CTBP2: variants seen among roughly 807,000 people sequenced by gnomAD.
CTBP2 encodes the protein C-terminal-binding protein 2.
A neutral mutation model predicts 80.3 loss-of-function variants in CTBP2; 30 were observed. That is an observed-to-expected ratio of 0.37 (90% confidence interval 0.28 to 0.51). The LOEUF is 0.51. Among genes scored for constraint, CTBP2 ranks in the 20% least tolerant of loss-of-function variants. CTBP2 has a pLI of 0.93. For synonymous variants in CTBP2, 594 were observed against 587.4 expected (o/e 1.01, Z -0.16); for missense variants, 1,212 against 1,375.3 (o/e 0.88, Z 1.88).
chr10:125,159,419 G>T (rs1286767736), intron 1 of CTBP2, among the ~76,000 whole-genome samples: 1 of 140,930 alleles, frequency 7.1e-6, no homozygotes, highest in Non-Finnish European at 1.6e-5. Context: ...CCCGGCCCCC[G>T]CCCGCGCCCG....
At chr10:125,161,460 G>T (rs971178100), upstream of CTBP2, among the ~76,000 whole-genome samples, 1 of 151,952 alleles carries the variant, frequency 6.6e-6, no homozygotes, top group Non-Finnish European at 1.5e-5. Context: ...CCCAGCCAGC[G>T]GCGCCAACCA....
chr10:125,138,931 A>T (rs1001297857), intron 1 of CTBP2, among the ~76,000 whole-genome samples: 1 of 152,104 alleles, frequency 6.6e-6, no homozygotes, highest in Non-Finnish European at 1.5e-5. Flanking sequence ...GCTGCCAAAG[A>T]GCTGTGTGTT....
rs74902137 is a variant in CTBP2, at chr10:124,991,991, C to T, written c.2777+704G>A. Among the ~76,000 whole-genome samples, 848 of 151,916 alleles carry T rather than the reference C, an allele frequency of 5.6e-3. 7 individuals are homozygous for T. The highest frequency in any genetic ancestry group is 0.017 in the African/African-American group (706 of 41,420). On this transcript the variant is annotated intron_variant, in intron 8 of 8. Transcript: ENST00000309035. ...GGGCTCCTGTCTTTCCCCCACTCTG[C>T]GTTCCCAAACATGGCTCCAGTTTCT...
At chr10:124,990,799 G>C (rs1952506922) in intron 8 of CTBP2, among the ~76,000 whole-genome samples, 1 of 152,228 alleles carries the variant, frequency 6.6e-6, no homozygotes. Context: ...AGTCTAGTCA[G>C]TGCTCTGGCC....
chr10:125,008,378 T>A (rs2134358904), intron 1 of CTBP2, among the ~76,000 whole-genome samples: 1 of 152,356 alleles, frequency 6.6e-6, no homozygotes, highest in Non-Finnish European at 1.5e-5. Flanking sequence ...GGACAGACAC[T>A]GGCCACATAC....
At chr10:125,046,163 C>T (rs1312575853) in intron 2 of CTBP2, among the ~76,000 whole-genome samples, 1 of 152,262 alleles carries the variant, frequency 6.6e-6, no homozygotes, top group African/African-American at 2.4e-5. Flanking sequence ...ACTGACCCAA[C>T]TGCATTAAGA....
At chr10:125,060,658 C>T (rs186030185) in intron 2 of CTBP2, among the ~76,000 whole-genome samples, 3 of 152,286 alleles carry the variant, frequency 2.0e-5, no homozygotes, top group Admixed American at 1.3e-4. Context: ...GGCAGTCATG[C>T]GGAAGAGGGA....
intron 2 of CTBP2, among the ~76,000 whole-genome samples, chr10:125,067,198 T>C (rs777317858): frequency 2.6e-5 from 4 of 152,064 alleles, no homozygotes; most frequent in Non-Finnish European, 5.9e-5. Context: ...CAAACTGCAG[T>C]AGAGGGACAA....
intron 2 of CTBP2, among the ~76,000 whole-genome samples, chr10:125,104,537 A>G (rs894980101): frequency 6.6e-6 from 1 of 152,322 alleles, no homozygotes; most frequent in Non-Finnish European, 1.5e-5. Context: ...GCTTCTCAGG[A>G]TAAGTGCAGA....
At position 125,066,967 on chromosome 10, in the gene CTBP2, G is replaced by A. The variant is rs2936542; in HGVS notation, c.-101-27812C>T. Among the ~76,000 whole-genome samples the A allele has an allele frequency of 0.2, 30,472 of 151,984 alleles. 3,770 individuals carry two copies. Among genetic ancestry groups the A allele is most frequent in the East Asian group, 0.38 (1,984 of 5,164 alleles). ...ACGCAGGCAAGGCTGCTGAATTCCTGAAGTCCCCGCCTGACCACCAGGCCC... is the reference window on the plus strand; with the variant it reads ...ACGCAGGCAAGGCTGCTGAATTCCTAAAGTCCCCGCCTGACCACCAGGCCC... On this transcript the variant is annotated intron_variant, in intron 2 of 10. Transcript: ENST00000337195. This position sits in a 1 kb window ranked among gnomAD's most constrained non-coding sequence, Gnocchi z 4.1.
At position 124,988,231 on chromosome 10, in the gene CTBP2, G is replaced by GT. The variant is rs1167618563; in HGVS notation, c.*1286dup. 6.6e-6 allele frequency: 1 copy of GT among 152,644 alleles called. No individual in the cohort carries two copies. The highest frequency in any genetic ancestry group is 2.4e-5 in the African/African-American group (1 of 41,460). 9.5% of individuals were successfully genotyped at this position (152,644 alleles called of 1,614,324 possible). ...TTGAGTCTGGTTATGGAACCCTGTA[G>GT]TAACAAGAGCTGGAAATTGGCTAAT... On this transcript the variant is annotated 3_prime_UTR_variant, in exon 9 of 9. Coordinates refer to ENST00000309035, the MANE Select transcript of CTBP2 (RefSeq NM_022802.3).
intron 1 of CTBP2, among the ~76,000 whole-genome samples, chr10:125,006,604 T>C (rs968475570): frequency 1.3e-5 from 2 of 152,234 alleles, no homozygotes; most frequent in Non-Finnish European, 2.9e-5. Flanking sequence ...AGATCTCATA[T>C]GGAGAGATGA....
rs1007210029 is a variant in CTBP2, at chr10:125,101,506, T to C, written c.-102+9484A>G. On this transcript the variant is annotated intron_variant, in intron 2 of 10. Transcript: ENST00000337195. ...CACACCCTCACAACTAAAACCCCAA[T>C]GCGTGACATTTGGGAAAGGCTTCAT... is the stretch of plus-strand genomic sequence containing the variant. Among the ~76,000 whole-genome samples, 52 of 152,314 alleles carry C rather than the reference T, an allele frequency of 3.4e-4. 1 individual carries two copies. The highest frequency in any genetic ancestry group is 1.5e-3 in the South Asian group (7 of 4,824).
chr10:125,142,467 A>T (rs867773369), intron 1 of CTBP2, among the ~76,000 whole-genome samples: 48 of 152,150 alleles, frequency 3.2e-4, no homozygotes, highest in South Asian at 2.1e-4. Flanking sequence ...TGGTGGCTGG[A>T]GGCTGGGAGT....
Position 125,026,632 on chromosome 10 carries a change from G to A in CTBP2, c.1128C>T (p.Ser376=), listed in dbSNP as rs45535234. ...AAGCCAAGTCACCATGGAGCAGTTC[G>A]CTTCGGTGGCTGAAGCTGCTGGACC... Residue 376 remains serine, a synonymous_variant, in exon 1 of 9, where the codon AGC becomes AGT. Coordinates refer to ENST00000309035, the MANE Select transcript of CTBP2 (RefSeq NM_022802.3). The A allele has an allele frequency of 8.2e-3, 12,719 of 1,557,652 alleles. 69 individuals are homozygous for A. The highest frequency in any genetic ancestry group is 9.1e-3 in the Non-Finnish European group (10,441 of 1,147,962).
rs572815514 is a variant in CTBP2, at chr10:125,057,202, A to T, written c.-101-18047T>A. On this transcript the variant is annotated intron_variant, in intron 2 of 10. Coordinates refer to the CTBP2 transcript ENST00000337195. ...ATGAAAACGACTTCAACACAATCTG[A>T]TGAGGTCAGCGAGTAGAGAGGCCCT... Among the ~76,000 whole-genome samples, 6 of 152,342 alleles carry T rather than the reference A, an allele frequency of 3.9e-5. No individual in the cohort carries two copies. The South Asian group carries it at 8.3e-4, about 21-fold the overall frequency.
chr10:125,143,518 C>T (rs1858213628), intron 1 of CTBP2, among the ~76,000 whole-genome samples: 1 of 152,164 alleles, frequency 6.6e-6, no homozygotes, highest in South Asian at 2.1e-4. Context: ...TGCATTATCA[C>T]ACCATGTAAC....
At chr10:125,080,440 T>C (rs1020547612) in intron 2 of CTBP2, among the ~76,000 whole-genome samples, 2 of 152,178 alleles carry the variant, frequency 1.3e-5, no homozygotes, top group Non-Finnish European at 1.5e-5. Context: ...CCCTGGTCAC[T>C]GTCCTCTGGC....
chr10:125,103,222 G>C (rs1039928295), intron 2 of CTBP2, among the ~76,000 whole-genome samples: 1 of 152,090 alleles, frequency 6.6e-6, no homozygotes, highest in Non-Finnish European at 1.5e-5. Flanking sequence ...GCTGCGATGC[G>C]CTCCTACATG....
Sources: gnomAD v4.1 joint callset for allele counts (sites outside exome capture counted in the v4.1 genomes callset) on GRCh38, gnomAD v4.1.1 for gene constraint, Gnocchi (gnomAD v3.1) non-coding constraint, MANE v1.5 for transcripts, NCBI Gene and HGNC (gene_info 2026-07-23, HGNC 2026-07-21) for gene names.